The following TF variants were observed in gnomAD, a reference collection of about 807,000 sequenced individuals.
The protein encoded by TF is transferrin, also known as serotransferrin.
Under a neutral mutation model 82.4 loss-of-function variants are expected in TF, and 55 were observed. The observed-to-expected ratio is 0.67, with a 90% CI of 0.54 to 0.84. The LOEUF is 0.84. Among genes scored for constraint, TF ranks in the 40% least tolerant of loss-of-function variants. The pLI, the probability that TF is intolerant of heterozygous loss-of-function variation, is 0.00. For synonymous variants in TF, 332 were observed against 332.6 expected, an observed-to-expected ratio of 1.00 and a Z score of 0.02; for missense variants, 737 against 868.4, an observed-to-expected ratio of 0.85 and a Z score of 1.90.
chr3:133,681,922 C>T, the TF span, among the ~76,000 whole-genome samples: 1 of 152,204 alleles, frequency 6.6e-6, no homozygotes, highest in Admixed American at 6.5e-5. Context: ...TCCCTGACCC[C>T]CGAGTAGCCT....
chr3:133,738,449 A>T, the TF span, among the ~76,000 whole-genome samples: 3 of 152,152 alleles, frequency 2.0e-5, no homozygotes, highest in Non-Finnish European at 4.4e-5. Flanking sequence ...CATAGTATTG[A>T]AAGTTCTCGT....
chr3:133,680,533 C>CTTTT, the TF span, among the ~76,000 whole-genome samples: 88 of 145,282 alleles, frequency 6.1e-4, 1 homozygote, highest in African/African-American at 2.1e-3. Flanking sequence ...CTTTTCTTTT[C>CTTTT]TTTTTTTTTT....
chr3:133,753,722 C>T lies in TF; in HGVS notation c.325+19C>T. The T allele has an allele frequency of 6.3e-7, 1 of 1,593,306 alleles. No homozygotes were observed. Among genetic ancestry groups the T allele is most frequent in the Non-Finnish European group, 8.6e-7 (1 of 1,161,138 alleles). On this transcript the variant is annotated intron_variant, in intron 3 of 16. Transcript: ENST00000402696. ...AAAGAGGGTAAGTTCTCCCTGGGAC[C>T]CCAGGAAGGAGTTGTCATCCTTATT...
the TF span, among the ~76,000 whole-genome samples, chr3:133,717,529 A>G: frequency 1.3e-5 from 2 of 152,196 alleles, no homozygotes; most frequent in African/African-American, 2.4e-5. Context: ...AGCAGTCCCA[A>G]TGTTGTTACA....
At chr3:133,716,881 C>T in the TF span, among the ~76,000 whole-genome samples, 1 of 152,120 alleles carries the variant, frequency 6.6e-6, no homozygotes, top group African/African-American at 2.4e-5. Context: ...TCCTTGAAGA[C>T]CTCAGGCACA....
At chr3:133,706,601 A>G in the TF span, among the ~76,000 whole-genome samples, 1 of 152,160 alleles carries the variant, frequency 6.6e-6, no homozygotes, top group Non-Finnish European at 1.5e-5. Context: ...AACAAATTTA[A>G]TGCGCATTAT....
the TF span, among the ~76,000 whole-genome samples, chr3:133,678,560 G>C: frequency 6.6e-6 from 1 of 152,114 alleles, no homozygotes; most frequent in Non-Finnish European, 1.5e-5. Context: ...GTTCTAACTG[G>C]CGTGAGGTGG....
the TF span, among the ~76,000 whole-genome samples, chr3:133,718,410 G>T: frequency 6.6e-6 from 1 of 152,118 alleles, no homozygotes; most frequent in Non-Finnish European, 1.5e-5. Context: ...TGGAGATGCA[G>T]GCTGGCAGAT....
intron 7 of TF, among the ~76,000 whole-genome samples, chr3:133,757,342 G>T (rs765457098): frequency 1.3e-5 from 2 of 152,138 alleles, no homozygotes; most frequent in African/African-American, 2.4e-5. Flanking sequence ...AGAAGGAAAT[G>T]GTCTCTCTCC....
the TF span, among the ~76,000 whole-genome samples, chr3:133,698,204 T>G: frequency 2.6e-5 from 4 of 152,258 alleles, no homozygotes; most frequent in Non-Finnish European, 4.4e-5. Context: ...GAGTGTACTT[T>G]CACTTCAATC....
intron 12 of TF, among the ~76,000 whole-genome samples, chr3:133,767,309 C>T (rs538275577): frequency 1.3e-5 from 2 of 152,302 alleles, no homozygotes; most frequent in South Asian, 4.2e-4. Flanking sequence ...TTCTGATTTA[C>T]ATTAGCTTCC....
Position 133,777,040 on chromosome 3 carries a change from A to C in TF, c.1873-9A>C. On this transcript the variant is annotated splice_polypyrimidine_tract_variant and intron_variant, in intron 15 of 16. Coordinates refer to ENST00000402696, the MANE Select transcript of TF (RefSeq NM_001063.4). ...CAAGGTCCTCACGGACTTTCTGTTCACTTGACAGCACCTATTTGGAAGCAA... is the reference window on the plus strand; with the variant it reads ...CAAGGTCCTCACGGACTTTCTGTTCCCTTGACAGCACCTATTTGGAAGCAA... 6.2e-7 allele frequency: 1 copy of C among 1,614,070 alleles called. No individual in the cohort carries two copies. The highest frequency in any genetic ancestry group is 1.1e-5 in the South Asian group (1 of 91,080).
chr3:133,796,009 T>C lies in TF; in HGVS notation c.*17389T>C, dbSNP rs1934960500. On this transcript the variant is annotated 3_prime_UTR_variant, in exon 17 of 17. Coordinates refer to ENST00000402696, the MANE Select transcript of TF (RefSeq NM_001063.4). ...CCAAGACCTTAAGGAAACACATAGA[T>C]CCTAGAACAGACCACAGGCCAGGTT... 1 of 152,150 alleles carries C rather than the reference T, an allele frequency of 6.6e-6. No individual in the cohort carries two copies. Among genetic ancestry groups the C allele is most frequent in the Non-Finnish European group, 1.5e-5 (1 of 68,062 alleles). The allele number at this position is 152,150 out of a possible 1,614,324, so 9.4% of individuals were successfully genotyped here. A position where few individuals can be genotyped will look rare whatever the true frequency, so the allele number is the denominator to read the frequency against.
At chr3:133,764,813 G>C in intron 10 of TF, 62 bp from the exon 11 acceptor site, 2 of 1,524,422 alleles carry the variant, frequency 1.3e-6, no homozygotes, top group Non-Finnish European at 1.8e-6. Context: ...TAAAAAAAAG[G>C]CATGGTTTCC....
Position 133,791,084 on chromosome 3 carries a change from T to C in TF, c.*12464T>C, listed in dbSNP as rs1208969718. ...TTAAATTTCTAGTGGAAGGCTTTTA[T>C]TTGGTTCTGTGAATAGTTATTTTGT... On this transcript the variant is annotated 3_prime_UTR_variant, in exon 17 of 17. Transcript: ENST00000402696. The C allele has an allele frequency of 6.6e-6, 1 of 152,164 alleles. No individual in the cohort carries two copies. Among genetic ancestry groups the C allele is most frequent in the Non-Finnish European group, 1.5e-5 (1 of 68,034 alleles). The allele number at this position is 152,164 out of a possible 1,614,324, so 9.4% of individuals were successfully genotyped here.
chr3:133,663,284 G>T, the TF span, among the ~76,000 whole-genome samples: 3 of 151,290 alleles, frequency 2.0e-5, no homozygotes, highest in African/African-American at 4.9e-5. Flanking sequence ...CCATTGCCAT[G>T]GTTGCTATAC....
chr3:133,774,874 T>C (rs1934346734), intron 14 of TF: 1 of 311,016 alleles, frequency 3.2e-6, no homozygotes, highest in Non-Finnish European at 6.4e-6. Context: ...TTTTTTTTTT[T>C]TCAGAGACAA....
At chr3:133,726,126 A>G in the TF span, among the ~76,000 whole-genome samples, 5 of 151,818 alleles carry the variant, frequency 3.3e-5, no homozygotes, top group East Asian at 1.9e-4. Flanking sequence ...CTCTTTTTTG[A>G]TTGTGTCTCT....
chr3:133,770,670 C>A, intron 14 of TF, 98 bp downstream of exon 14: 1 of 1,223,992 alleles, frequency 8.2e-7, no homozygotes, highest in Non-Finnish European at 1.2e-6. Context: ...ATTATGTACA[C>A]TGTCAGACTT....
Sources: gnomAD v4.1 joint callset for allele counts (sites outside exome capture counted in the v4.1 genomes callset) on GRCh38, gnomAD v4.1.1 for gene constraint, MANE v1.5 for transcripts, NCBI Gene and HGNC (gene_info 2026-07-23, HGNC 2026-07-21) for gene names.